Variants in B3GALT1 observed in about 807,000 individuals in gnomAD.
B3GALT1 encodes the protein beta-1,3-galactosyltransferase 1.
A neutral mutation model predicts 23.2 loss-of-function variants in B3GALT1; 10 were observed. The observed-to-expected ratio is 0.43, with a 90% CI of 0.27 to 0.73. The LOEUF (loss-of-function observed/expected upper bound fraction) is 0.73, where lower values mean the gene tolerates loss of function less well. Among genes scored for constraint, B3GALT1 ranks in the 30% least tolerant of loss-of-function variants. B3GALT1 has a pLI of 0.21. For synonymous variants in B3GALT1, 156 were observed against 141.5 expected (o/e 1.10, Z -0.73); for missense variants, 299 against 405.4 (o/e 0.74, Z 2.25).
intron 2 of B3GALT1, among the ~76,000 whole-genome samples, chr2:167,644,445 TA>T (rs1277380140): frequency 6.6e-6 from 1 of 152,158 alleles, no homozygotes; most frequent in Non-Finnish European, 1.5e-5. Flanking sequence ...CCAGAGTAGC[TA>T]AAGGAAACAT....
intron 1 of B3GALT1, among the ~76,000 whole-genome samples, chr2:167,411,655 TG>T (rs1233147216): frequency 1.3e-5 from 2 of 152,182 alleles, no homozygotes; most frequent in African/African-American, 2.4e-5. Context: ...ACTGTATGGA[TG>T]TTCCTCAAAA....
chr2:167,634,185 G>A (rs1215166116), intron 2 of B3GALT1, among the ~76,000 whole-genome samples: 1 of 152,064 alleles, frequency 6.6e-6, no homozygotes, highest in African/African-American at 2.4e-5. Context: ...GAATCTCTGG[G>A]ACACAGCTAA....
chr2:167,596,045 T>C (rs1371838991), intron 2 of B3GALT1, among the ~76,000 whole-genome samples: 1 of 152,190 alleles, frequency 6.6e-6, no homozygotes, highest in East Asian at 1.9e-4. Context: ...CAGGTAGTGG[T>C]TAATTAGTTT....
chr2:167,810,272 A>G (rs55826112), intron 3 of B3GALT1, among the ~76,000 whole-genome samples: 5,132 of 150,876 alleles, frequency 0.034, 267 homozygotes, highest in South Asian at 0.069. Context: ...CACTCAGTGC[A>G]CTGCACCCAC....
At chr2:167,461,334 C>T (rs1318612419) in intron 1 of B3GALT1, among the ~76,000 whole-genome samples, 1 of 152,176 alleles carries the variant, frequency 6.6e-6, no homozygotes, top group African/African-American at 2.4e-5. Context: ...AGTCATCCCT[C>T]TAAAAGTTTC....
At chr2:167,583,107 G>A (rs1684517546) in intron 2 of B3GALT1, among the ~76,000 whole-genome samples, 1 of 152,292 alleles carries the variant, frequency 6.6e-6, no homozygotes, top group East Asian at 1.9e-4. Flanking sequence ...TGCTCTCAGT[G>A]TTACTTTAAA....
chr2:167,668,480 A>T (rs939087388), intron 3 of B3GALT1, among the ~76,000 whole-genome samples: 3 of 152,178 alleles, frequency 2.0e-5, no homozygotes, highest in African/African-American at 7.2e-5. Flanking sequence ...GGCTTCACCC[A>T]GTTCGAGCTT....
chr2:167,739,882 G>GGAGT (rs1378064062), intron 3 of B3GALT1, among the ~76,000 whole-genome samples: 1 of 148,754 alleles, frequency 6.7e-6, no homozygotes, highest in Non-Finnish European at 1.5e-5. Context: ...CTTGAGCCCA[G>GGAGT]GAGTTTGAGA....
intron 2 of B3GALT1, among the ~76,000 whole-genome samples, chr2:167,560,507 T>G (rs1422876983): frequency 6.6e-5 from 10 of 152,160 alleles, no homozygotes; most frequent in Admixed American, 5.2e-4. Flanking sequence ...AGACACAGAC[T>G]GGCAAATTGA....
intron 4 of B3GALT1, among the ~76,000 whole-genome samples, chr2:167,819,798 C>T (rs895563019): frequency 2.0e-5 from 3 of 152,200 alleles, no homozygotes; most frequent in African/African-American, 7.2e-5. Flanking sequence ...CCAAATGCCT[C>T]TCTCCTGGTT....
chr2:167,413,385 TAA>T, intron 1 of B3GALT1, among the ~76,000 whole-genome samples: 1 of 152,218 alleles, frequency 6.6e-6, no homozygotes, highest in Middle Eastern at 3.4e-3. Flanking sequence ...CAGTGGTTGT[TAA>T]GTTATATTTT....
At chr2:167,803,490 G>A (rs567896079) in intron 3 of B3GALT1, among the ~76,000 whole-genome samples, 7 of 152,226 alleles carry the variant, frequency 4.6e-5, no homozygotes, top group East Asian at 3.9e-4. Flanking sequence ...CACAATAGGC[G>A]TAGCTCTATT....
intron 1 of B3GALT1, among the ~76,000 whole-genome samples, chr2:167,353,625 T>G (rs2105257517): frequency 6.6e-6 from 1 of 152,256 alleles, no homozygotes; most frequent in African/African-American, 2.4e-5. Context: ...GGGATAATAC[T>G]TTTTATTATG....
intron 3 of B3GALT1, among the ~76,000 whole-genome samples, chr2:167,805,166 A>T (rs1435130192): frequency 7.2e-5 from 11 of 152,026 alleles, no homozygotes; most frequent in African/African-American, 2.7e-4. Context: ...CCACTTTTTG[A>T]TGGGGCTGTT....
chr2:167,375,463 A>G (rs959158863), intron 1 of B3GALT1, among the ~76,000 whole-genome samples: 9 of 152,116 alleles, frequency 5.9e-5, no homozygotes, highest in Non-Finnish European at 8.8e-5. Flanking sequence ...GATTCTTCCA[A>G]TTCATGAGTA....
chr2:167,701,680 TTATAA>T (rs1212796027), intron 3 of B3GALT1, among the ~76,000 whole-genome samples: 3 of 152,204 alleles, frequency 2.0e-5, no homozygotes, highest in Non-Finnish European at 4.4e-5. Context: ...AATTAATTAG[TTATAA>T]TATAAATCAG....
chr2:167,633,783 C>T lies in B3GALT1; in HGVS notation c.-409-13126C>T, dbSNP rs564224876. Reference sequence around the variant, plus strand: ...GCCCCACTGTCAATATTAGACAGAACGACAAGACAGAAAATTAACAAGGAT... The same window carrying T: ...GCCCCACTGTCAATATTAGACAGAATGACAAGACAGAAAATTAACAAGGAT... On this transcript the variant is annotated intron_variant, in intron 2 of 4. Coordinates refer to ENST00000392690, the MANE Select transcript of B3GALT1 (RefSeq NM_020981.4). Among the ~76,000 whole-genome samples the T allele has an allele frequency of 6.6e-5, 10 of 152,154 alleles. No individual in the cohort carries two copies. In the South Asian group the frequency reaches 1.0e-3, roughly 16 times the overall value.
At chr2:167,397,222 C>T (rs1698113492) in intron 1 of B3GALT1, among the ~76,000 whole-genome samples, 1 of 151,780 alleles carries the variant, frequency 6.6e-6, no homozygotes, top group South Asian at 2.1e-4. Flanking sequence ...TTCCCTCTCT[C>T]TCCTTCCTTT....
At position 167,869,130 on chromosome 2, in the gene B3GALT1, T is replaced by C. The variant is rs1220499086; in HGVS notation, c.91T>C (p.Ser31Pro). Reference sequence around the variant, plus strand: ...CTTGAGTATAACTCGCCCTACTTCTTCTTACACTGGCTCCAAACCATTCAG... The same window carrying C: ...CTTGAGTATAACTCGCCCTACTTCTCCTTACACTGGCTCCAAACCATTCAG... Reference protein sequence around the residue: ...WYLSITRPTSSYTGSKPFSHL... With the variant: ...WYLSITRPTSPYTGSKPFSHL... Residue 31 changes from serine (S) to proline (P), a missense_variant, in exon 5 of 5, where the codon TCT (serine) becomes CCT (proline). Physicochemically the swap from Ser to Pro is moderately conservative, Grantham distance 74. This residue lies in a region of B3GALT1 where 162 missense variants were observed against 184.1 expected (regional missense o/e 0.88). Coordinates refer to ENST00000392690, the MANE Select transcript of B3GALT1 (RefSeq NM_020981.4). This position sits in a 1 kb window ranked among gnomAD's most constrained non-coding sequence, Gnocchi z 6.4. 2 of 1,614,082 alleles carry C rather than the reference T, an allele frequency of 1.2e-6. No homozygotes were observed. Among genetic ancestry groups the C allele is most frequent in the East Asian group, 4.5e-5 (2 of 44,908 alleles).
Sources: gnomAD v4.1 joint callset for allele counts (sites outside exome capture counted in the v4.1 genomes callset) on GRCh38, gnomAD v4.1.1 for gene constraint, gnomAD v4.1.1 regional missense constraint, Gnocchi (gnomAD v3.1) non-coding constraint, MANE v1.5 for transcripts, NCBI Gene and HGNC (gene_info 2026-07-23, HGNC 2026-07-21) for gene names.